The following CTCF variants were observed in gnomAD, a reference collection of about 807,000 sequenced individuals.
CTCF encodes the protein transcriptional repressor CTCF.
CTCF carries 7 observed loss-of-function variants against 72.3 expected under a neutral mutation model. The ratio of observed to expected loss-of-function variants is 0.10; its 90% CI spans 0.06 to 0.18. The LOEUF (loss-of-function observed/expected upper bound fraction) is 0.18, where lower values mean the gene tolerates loss of function less well. CTCF is among the 10% of genes least tolerant of loss of function. CTCF has a pLI of 1.00. For missense variants in CTCF, 516 were observed against 949.1 expected, an observed-to-expected ratio of 0.54 and a Z score of 6.00; for synonymous variants, 374 against 315.8, an observed-to-expected ratio of 1.18 and a Z score of -1.95.
chr16:67,591,197 G>T (rs1259479974), intron 2 of CTCF, among the ~76,000 whole-genome samples: 1 of 151,826 alleles, frequency 6.6e-6, no homozygotes, highest in Non-Finnish European at 1.5e-5. Context: ...GGAGGCTGAG[G>T]CTGAGAATTG....
At chr16:67,597,325 T>C (rs1357251363) in intron 2 of CTCF, among the ~76,000 whole-genome samples, 1 of 152,074 alleles carries the variant, frequency 6.6e-6, no homozygotes, top group Admixed American at 6.6e-5. Flanking sequence ...TAAGTCTCTG[T>C]ACCTGGCCAC....
chr16:67,597,001 C>T lies in CTCF; in HGVS notation c.-9-13823C>T, dbSNP rs566666608. On this transcript the variant is annotated intron_variant, in intron 2 of 11. Transcript: ENST00000264010. ...TCCTCATTTTTAGAAAGCTGTTCAC[C>T]TTTTTCTTTTTAAAGTTTTGTGTGT... is the stretch of plus-strand genomic sequence containing the variant. Among the ~76,000 whole-genome samples the T allele has an allele frequency of 2.6e-5, 4 of 152,122 alleles. No individual in the cohort carries two copies. In the South Asian group the frequency reaches 8.3e-4, roughly 32 times the overall value.
chr16:67,590,018 C>T (rs1567599160), intron 2 of CTCF, among the ~76,000 whole-genome samples: 2 of 151,970 alleles, frequency 1.3e-5, no homozygotes, highest in South Asian at 2.1e-4. Context: ...ACGCAGGAGG[C>T]GGCCGTTGCA....
Position 67,639,024 on chromosome 16 carries a change from T to C in CTCF, c.*1152T>C, listed in dbSNP as rs937085791. 2.0e-5 allele frequency: 4 copies of C among 202,872 alleles called. No homozygotes were observed. Among genetic ancestry groups the C allele is most frequent in the Admixed American group, 1.2e-4 (2 of 16,704 alleles). The allele number at this position is 202,872 out of a possible 1,614,324, so 12.6% of individuals were successfully genotyped here. A position where few individuals can be genotyped will look rare whatever the true frequency, so the allele number is the denominator to read the frequency against. On this transcript the variant is annotated 3_prime_UTR_variant, in exon 12 of 12. Coordinates refer to ENST00000264010, the MANE Select transcript of CTCF (RefSeq NM_006565.4). ...CATCAGTTAGCTATCAGACTCTAGG[T>C]TGATGCATTTTGTACTTAGCTGTAC...
At chr16:67,590,814 G>A (rs548210061) in intron 2 of CTCF, among the ~76,000 whole-genome samples, 1 of 151,790 alleles carries the variant, frequency 6.6e-6, no homozygotes, top group African/African-American at 2.4e-5. Context: ...AATATTAGCC[G>A]GACATGATGT....
intron 4 of CTCF, among the ~76,000 whole-genome samples, chr16:67,614,076 G>A (rs149527491): frequency 1.1e-3 from 175 of 152,232 alleles, no homozygotes; most frequent in Non-Finnish European, 2.0e-3. Flanking sequence ...GCCGGGCGCC[G>A]TAGCTCTCGC....
At chr16:67,573,891 C>G (rs763549750) in intron 2 of CTCF, among the ~76,000 whole-genome samples, 13 of 151,550 alleles carry the variant, frequency 8.6e-5, no homozygotes, top group Non-Finnish European at 1.5e-4. Context: ...TTTAGCCGGG[C>G]GTTGTGGTGC....
chr16:67,607,596 G>T (rs780894882), intron 2 of CTCF, among the ~76,000 whole-genome samples: 2 of 151,810 alleles, frequency 1.3e-5, no homozygotes, highest in Non-Finnish European at 2.9e-5. Flanking sequence ...GTGAGCTACC[G>T]TGCCCGGCCC....
In CTCF at chr16:67,562,687, G is replaced by A. The variant is rs2051290056; in HGVS notation, c.-164G>A. The A allele has an allele frequency of 6.6e-6, 1 of 151,696 alleles. No individual in the cohort carries two copies. The highest frequency in any genetic ancestry group is 6.6e-5 in the Admixed American group (1 of 15,122). The allele number at this position is 151,696 out of a possible 1,614,324, so 9.4% of individuals were successfully genotyped here. On this transcript the variant is annotated 5_prime_UTR_variant, in exon 1 of 12. Transcript: ENST00000264010. ...CGCCGGGTGGCCGGAGCCGTGGAGC[G>A]GCGGCGGAGCGGGCGCCGCGGGGGG...
At chr16:67,633,616 A>G (rs1299517450) in intron 10 of CTCF, among the ~76,000 whole-genome samples, 1 of 152,088 alleles carries the variant, frequency 6.6e-6, no homozygotes, top group Non-Finnish European at 1.5e-5. Context: ...AATGCGTAAG[A>G]ATTTCTGGCC....
intron 2 of CTCF, among the ~76,000 whole-genome samples, chr16:67,591,001 C>G (rs1422253742): frequency 6.9e-6 from 1 of 144,440 alleles, no homozygotes; most frequent in Non-Finnish European, 1.5e-5. Context: ...CTGGGTGGCT[C>G]ACACAAATGC....
intron 1 of CTCF, among the ~76,000 whole-genome samples, chr16:67,565,029 C>G (rs1183919481): frequency 1.3e-5 from 2 of 150,066 alleles, no homozygotes; most frequent in Non-Finnish European, 3.0e-5. Context: ...GAGACGGAGT[C>G]TCGTTCTGTC....
At position 67,573,646 on chromosome 16, in the gene CTCF, C is replaced by G. The variant is rs1424865719; in HGVS notation, c.-10+2382C>G. On this transcript the variant is annotated intron_variant, in intron 2 of 11. Transcript: ENST00000264010. ...TATAGAACAGCTCTGCTATCCTGCT[C>G]CTTACTTTGTCCTTGTAGTATTTGT... Among the ~76,000 whole-genome samples, 4 of 152,210 alleles carry G rather than the reference C, an allele frequency of 2.6e-5. No individual in the cohort carries two copies. In the East Asian group the frequency reaches 7.7e-4, roughly 29 times the overall value.
At chr16:67,628,251 G>A (rs1054927867) in intron 8 of CTCF, 119 bp from the exon 9 acceptor site, 6 of 809,522 alleles carry the variant, frequency 7.4e-6, no homozygotes, top group South Asian at 7.1e-5. Context: ...TCAACAAGCC[G>A]TGTGGAGTCT....
intron 2 of CTCF, among the ~76,000 whole-genome samples, chr16:67,605,393 T>C (rs1378327771): frequency 2.0e-5 from 3 of 152,248 alleles, no homozygotes; most frequent in Non-Finnish European, 4.4e-5. Flanking sequence ...TTTTTTATAT[T>C]TGTCCCCACT....
intron 8 of CTCF, 96 bp from the exon 9 acceptor site, chr16:67,628,274 G>A (rs2052317653): frequency 3.7e-6 from 4 of 1,095,084 alleles, no homozygotes; most frequent in Admixed American, 5.0e-5. Context: ...ACCTAGCTTG[G>A]GTGAGAAATA....
intron 2 of CTCF, among the ~76,000 whole-genome samples, chr16:67,582,450 T>C (rs1408255783): frequency 6.6e-6 from 1 of 152,068 alleles, no homozygotes; most frequent in Non-Finnish European, 1.5e-5. Flanking sequence ...CCCAGTACTT[T>C]GTGAGGCTGA....
At chr16:67,620,040 T>C (rs920857531) in intron 5 of CTCF, among the ~76,000 whole-genome samples, 1 of 151,892 alleles carries the variant, frequency 6.6e-6, no homozygotes, top group African/African-American at 2.4e-5. Context: ...AGAGGATGAG[T>C]GGAATTAAAA....
intron 2 of CTCF, among the ~76,000 whole-genome samples, chr16:67,603,698 G>T (rs2051929844): frequency 6.6e-6 from 1 of 151,754 alleles, no homozygotes; most frequent in Non-Finnish European, 1.5e-5. Flanking sequence ...GGTGACAGGA[G>T]CCTGTAGTCC....
Sources: gnomAD v4.1 joint callset for allele counts (sites outside exome capture counted in the v4.1 genomes callset) on GRCh38, gnomAD v4.1.1 for gene constraint, MANE v1.5 for transcripts, NCBI Gene and HGNC (gene_info 2026-07-23, HGNC 2026-07-21) for gene names.